Variants in SDCCAG8 observed in about 807,000 individuals in gnomAD.
SDCCAG8 encodes serologically defined colon cancer antigen 8.
Under a neutral mutation model 101.8 loss-of-function variants are expected in SDCCAG8, and 74 were observed. The observed-to-expected ratio is 0.73, with a 90% CI of 0.60 to 0.88. SDCCAG8 has a LOEUF of 0.88. Ranked by LOEUF, SDCCAG8 falls within the 40% of genes least tolerant of loss-of-function variation. The pLI, the probability that SDCCAG8 is intolerant of heterozygous loss-of-function variation, is 0.00. For synonymous variants in SDCCAG8, 281 were observed against 292.9 expected, an observed-to-expected ratio of 0.96 and a Z score of 0.41; for missense variants, 787 against 822.6, an observed-to-expected ratio of 0.96 and a Z score of 0.53.
At position 243,301,355 on chromosome 1, in the gene SDCCAG8, G is replaced by C. The variant is rs145603898; in HGVS notation, c.676-3358G>C. Among the ~76,000 whole-genome samples the C allele has an allele frequency of 3.4e-3, 516 of 152,172 alleles. 3 individuals are homozygous for C. Among genetic ancestry groups the C allele is most frequent in the African/African-American group, 0.011 (472 of 41,504 alleles). On this transcript the variant is annotated intron_variant, in intron 6 of 17. Transcript: ENST00000366541. ...TATCACAGTAAAAAGTGATCTCTTGGTGGTTCTCGTGTACTTTTCATCATG... is the reference window on the plus strand; with the variant it reads ...TATCACAGTAAAAAGTGATCTCTTGCTGGTTCTCGTGTACTTTTCATCATG...
At chr1:243,341,217 T>A in intron 11 of SDCCAG8, 44 bp downstream of exon 11, 1 of 1,606,298 alleles carries the variant, frequency 6.2e-7, no homozygotes, top group Non-Finnish European at 8.5e-7. Context: ...AAGGAAATAT[T>A]TCCTTTGAAA....
intron 6 of SDCCAG8, among the ~76,000 whole-genome samples, chr1:243,301,131 A>G (rs2071461876): frequency 6.6e-6 from 1 of 152,228 alleles, no homozygotes; most frequent in African/African-American, 2.4e-5. Context: ...CTCAGGAGGA[A>G]TGCAAAAAAA....
intron 12 of SDCCAG8, among the ~76,000 whole-genome samples, chr1:243,377,938 T>C (rs2077695407): frequency 6.6e-6 from 1 of 151,200 alleles, no homozygotes; most frequent in South Asian, 2.1e-4. Flanking sequence ...ATTTCTACTT[T>C]AATATATAAA....
At chr1:243,447,617 C>A (rs1057476119) in intron 16 of SDCCAG8, among the ~76,000 whole-genome samples, 2 of 152,112 alleles carry the variant, frequency 1.3e-5, no homozygotes, top group African/African-American at 4.8e-5. Context: ...TACAGACAAT[C>A]CGTCCTTCAC....
intron 12 of SDCCAG8, among the ~76,000 whole-genome samples, chr1:243,377,256 A>G (rs889601387): frequency 6.6e-6 from 1 of 152,110 alleles, no homozygotes; most frequent in Admixed American, 6.5e-5. Context: ...AAGTTAACCT[A>G]TAATTCCAAT....
chr1:243,330,660 A>G lies in SDCCAG8; in HGVS notation c.1189A>G (p.Ile397Val). 2 of 1,614,178 alleles carry G rather than the reference A, an allele frequency of 1.2e-6. No individual in the cohort carries two copies. ...AIEKDMMKKE[I>V]TKEREYMGSK... ...TGAGAAAGACATGATGAAAAAGGAA[A>G]TAACGAAAGAAAGGGAGTACATGGG... Residue 397 changes from isoleucine to valine, a missense_variant, in exon 10 of 18, where the codon ATA becomes GTA. Coordinates refer to ENST00000366541, the MANE Select transcript of SDCCAG8 (RefSeq NM_006642.5).
rs143386133 is a variant in SDCCAG8 at position 243,341,109 on chromosome 1, C to G, written c.1292C>G (p.Ser431Ter). 1 of 1,613,948 alleles carries G rather than the reference C, an allele frequency of 6.2e-7. No individual in the cohort carries two copies. The highest frequency in any genetic ancestry group is 8.5e-7 in the Non-Finnish European group (1 of 1,179,832). Residue 431 changes from serine to a stop codon, truncating the protein, a stop_gained, in exon 11 of 18, where the codon TCA becomes TGA. Transcript: ENST00000366541. LOFTEE classifies it high-confidence loss of function. Reference sequence around the variant, plus strand: ...GAAAAGGTTACAAAGGAAAAGATTTCAGCTATTAATCAACTGGAGGAAATT... The same window carrying G: ...GAAAAGGTTACAAAGGAAAAGATTTGAGCTATTAATCAACTGGAGGAAATT... The part of the protein sequence containing the change: ...QVEKVTKEKI[S>*]AINQLEEIQS...
At chr1:243,352,444 G>C (rs2076131666) in intron 12 of SDCCAG8, among the ~76,000 whole-genome samples, 1 of 152,142 alleles carries the variant, frequency 6.6e-6, no homozygotes. Context: ...GACTGTAAAA[G>C]TTGACTTACC....
chr1:243,353,523 A>AAAAAAAAAAAT (rs2076218624), intron 12 of SDCCAG8, among the ~76,000 whole-genome samples: 1 of 140,512 alleles, frequency 7.1e-6, no homozygotes, highest in Non-Finnish European at 1.6e-5. Context: ...AAAAAAAAAA[A>AAAAAAAAAAAT]GAATGTTGCC....
At chr1:243,330,802 TTATTA>T in intron 10 of SDCCAG8, 110 bp downstream of exon 10, 1 of 1,047,190 alleles carries the variant, frequency 9.5e-7, no homozygotes, top group Non-Finnish European at 1.4e-6. Context: ...TTTAAAATCG[TTATTA>T]TATAAGTAGT....
At chr1:243,269,966 G>A in intron 1 of SDCCAG8, 139 bp from the exon 2 acceptor site, 1 of 1,178,826 alleles carries the variant, frequency 8.5e-7, no homozygotes, top group Non-Finnish European at 1.2e-6. Context: ...CCCTCAGCAA[G>A]CTAGAAACAG....
intron 16 of SDCCAG8, 77 bp from the exon 17 acceptor site, chr1:243,488,937 T>A: frequency 1.2e-6 from 2 of 1,604,546 alleles, no homozygotes; most frequent in Non-Finnish European, 1.7e-6. Context: ...GGGGCTTCCC[T>A]CAGATACACA....
intron 9 of SDCCAG8, among the ~76,000 whole-genome samples, chr1:243,328,172 G>C (rs538611717): frequency 2.6e-5 from 4 of 152,148 alleles, no homozygotes; most frequent in Non-Finnish European, 4.4e-5. Flanking sequence ...AAAGTGCTGG[G>C]ATTAAAGACA....
chr1:243,258,385 T>G (rs1305790834), intron 1 of SDCCAG8, among the ~76,000 whole-genome samples: 1 of 152,204 alleles, frequency 6.6e-6, no homozygotes, highest in African/African-American at 2.4e-5. Flanking sequence ...TTCACAAATA[T>G]AAATTGCTAT....
At chr1:243,371,506 A>C (rs2077286264) in intron 12 of SDCCAG8, among the ~76,000 whole-genome samples, 1 of 152,160 alleles carries the variant, frequency 6.6e-6, no homozygotes, top group South Asian at 2.1e-4. Flanking sequence ...GGTACATGGT[A>C]AGCACTCAAA....
rs1412239185 is a variant in SDCCAG8, at chr1:243,493,339, A to G, written c.2112+4199A>G. Among the ~76,000 whole-genome samples, 6 of 152,230 alleles carry G rather than the reference A, an allele frequency of 3.9e-5. No homozygotes were observed. In the East Asian group the frequency reaches 1.2e-3, roughly 29 times the overall value. On this transcript the variant is annotated intron_variant, in intron 17 of 17. Transcript: ENST00000366541. ...TGCGGCCCAGAGCCTGGGGGCTCTA[A>G]CATCTGGCTAGGAAGGTTGGAGCCA...
intron 12 of SDCCAG8, among the ~76,000 whole-genome samples, chr1:243,357,643 C>T (rs1444373657): frequency 6.6e-6 from 1 of 152,110 alleles, no homozygotes; most frequent in African/African-American, 2.4e-5. Flanking sequence ...TTATGTGTTG[C>T]AAACAAATAC....
chr1:243,270,963 G>T lies in SDCCAG8; in HGVS notation c.221-15G>T. 6.3e-7 allele frequency: 1 copy of T among 1,594,040 alleles called. No individual in the cohort carries two copies. Among genetic ancestry groups the T allele is most frequent in the Non-Finnish European group, 8.6e-7 (1 of 1,161,966 alleles). ...CTCAAATAAGGTTAATAAACCCTCT[G>T]CTTTTGCTCTATAGTTAATCAGCTC... On this transcript the variant is annotated splice_polypyrimidine_tract_variant and intron_variant, in intron 2 of 17. Coordinates refer to ENST00000366541, the MANE Select transcript of SDCCAG8 (RefSeq NM_006642.5).
intron 16 of SDCCAG8, among the ~76,000 whole-genome samples, chr1:243,476,515 C>G (rs1162736765): frequency 1.3e-5 from 2 of 152,186 alleles, no homozygotes; most frequent in Admixed American, 1.3e-4. Context: ...GTGACATACT[C>G]TGGGACCACA....
Sources: allele counts gnomAD v4.1 joint callset (sites outside exome capture counted in the v4.1 genomes callset), GRCh38; gene constraint gnomAD v4.1.1; transcripts MANE v1.5; gene names NCBI Gene and HGNC (gene_info 2026-07-23, HGNC 2026-07-21).